Variants in SYN3 observed in about 807,000 individuals in gnomAD.
SYN3 encodes the protein synapsin-3.
Under a neutral mutation model 65.8 loss-of-function variants are expected in SYN3, and 35 were observed. The ratio of observed to expected loss-of-function variants is 0.53; its 90% CI spans 0.41 to 0.70. The LOEUF is 0.70. Ranked by LOEUF, SYN3 falls within the 30% of genes least tolerant of loss-of-function variation. The pLI is 0.00. For synonymous variants in SYN3, 270 were observed against 292.9 expected, an observed-to-expected ratio of 0.92 and a Z score of 0.80; for missense variants, 680 against 749.0, an observed-to-expected ratio of 0.91 and a Z score of 1.08.
chr22:32,784,354 C>A (rs1309779118), intron 6 of SYN3, among the ~76,000 whole-genome samples: 1 of 152,220 alleles, frequency 6.6e-6, no homozygotes, highest in African/African-American at 2.4e-5. Context: ...CTTTTTCCTG[C>A]TGGCTTTGAA....
intron 6 of SYN3, chr22:32,849,314 CA>C: frequency 1.4e-6 from 1 of 726,554 alleles, no homozygotes. Context: ...CTTGTAAACA[CA>C]ATCATCTATT....
intron 12 of SYN3, among the ~76,000 whole-genome samples, chr22:32,520,540 C>T (rs1355334922): frequency 6.6e-6 from 1 of 152,166 alleles, no homozygotes; most frequent in African/African-American, 2.4e-5. Flanking sequence ...CTCTTTGACT[C>T]AAAAACCCTG....
chr22:32,815,181 G>A (rs1228935432), intron 6 of SYN3, among the ~76,000 whole-genome samples: 1 of 152,214 alleles, frequency 6.6e-6, no homozygotes, highest in Non-Finnish European at 1.5e-5. Context: ...CATGAACTGT[G>A]CACAGGGATA....
chr22:32,749,404 G>C (rs935543052), intron 6 of SYN3, among the ~76,000 whole-genome samples: 2 of 150,180 alleles, frequency 1.3e-5, no homozygotes. Flanking sequence ...CACTTTGGGA[G>C]GCCAAGGCGG....
intron 1 of SYN3, among the ~76,000 whole-genome samples, chr22:33,011,015 T>C (rs2053337326): frequency 6.6e-6 from 1 of 152,206 alleles, no homozygotes. Context: ...ATTTAAATAA[T>C]GTCATCTATA....
At chr22:32,781,991 G>T (rs562693793) in intron 6 of SYN3, among the ~76,000 whole-genome samples, 22 of 151,768 alleles carry the variant, frequency 1.4e-4, no homozygotes, top group African/African-American at 5.1e-4. Flanking sequence ...TTCTCAGAAG[G>T]TTGTTTTTTC....
In SYN3 at chr22:32,541,713, T is replaced by C. The variant is rs1425871990; in HGVS notation, c.775A>G (p.Ile259Val). The C allele has an allele frequency of 2.5e-6, 4 of 1,613,564 alleles. No homozygotes were observed. The African/African-American group carries it at 5.3e-5, about 22-fold the overall frequency. Residue 259 changes from isoleucine to valine, a missense_variant and splice_region_variant, in exon 8 of 14, where the codon ATC becomes GTC. Physicochemically the swap from Ile to Val is conservative, Grantham distance 29 (BLOSUM62 3). Coordinates refer to ENST00000358763, the MANE Select transcript of SYN3 (RefSeq NM_003490.4). ...LGHAHAGMGK[I>V]KVENQLDFQD... ...AAGTCAAGCTGGTTTTCCACTTTGATCTGTGTGGGAGGATGAGGGGGATGA... is the reference window on the plus strand; with the variant it reads ...AAGTCAAGCTGGTTTTCCACTTTGACCTGTGTGGGAGGATGAGGGGGATGA...
At chr22:32,539,774 A>G (rs2058223444) in intron 8 of SYN3, among the ~76,000 whole-genome samples, 1 of 135,634 alleles carries the variant, frequency 7.4e-6, no homozygotes, top group South Asian at 2.8e-4. Flanking sequence ...AAAATGCTGC[A>G]ATGAGGTAAT....
At chr22:32,739,720 T>C (rs560192434) in intron 6 of SYN3, among the ~76,000 whole-genome samples, 81 of 152,342 alleles carry the variant, frequency 5.3e-4, no homozygotes, top group African/African-American at 1.6e-3. Flanking sequence ...GGGGCTTTTT[T>C]ACTGTGCTCC....
intron 3 of SYN3, among the ~76,000 whole-genome samples, chr22:32,954,942 C>CTTTTTTTTTTTTTT (rs770971735): frequency 8.4e-6 from 1 of 118,962 alleles, no homozygotes. Context: ...TTTTCCTTTT[C>CTTTTTTTTTTTTTT]TTTTTTTTTT....
chr22:32,559,595 G>A (rs2058554335), intron 7 of SYN3, among the ~76,000 whole-genome samples: 1 of 152,184 alleles, frequency 6.6e-6, no homozygotes, highest in Non-Finnish European at 1.5e-5. Context: ...TTGGGAGGCC[G>A]AGATGGGCGG....
chr22:32,542,630 ATGTG>A (rs3838157), intron 7 of SYN3, among the ~76,000 whole-genome samples: 33,829 of 135,162 alleles, frequency 0.25, 4,258 homozygotes, highest in Non-Finnish European at 0.31. Context: ...GTTTGTGTGT[ATGTG>A]TGTGTGTGTG....
rs1470246058 is a variant in SYN3 at position 32,511,244 on chromosome 22, G to A, written c.*2448C>T. On this transcript the variant is annotated 3_prime_UTR_variant, in exon 14 of 14. Coordinates refer to ENST00000358763, the MANE Select transcript of SYN3 (RefSeq NM_003490.4). ...AGCAGCAGCAGGAGGATGAAGCAAA[G>A]TTCTACCGGATTATAAATGGTCTGA... Among the ~76,000 whole-genome samples, 1 of 152,172 alleles carries A rather than the reference G, an allele frequency of 6.6e-6. No individual in the cohort carries two copies. Among genetic ancestry groups the A allele is most frequent in the African/African-American group, 2.4e-5 (1 of 41,436 alleles).
At chr22:32,767,786 T>C (rs1489025289) in intron 6 of SYN3, among the ~76,000 whole-genome samples, 1 of 152,238 alleles carries the variant, frequency 6.6e-6, no homozygotes, top group African/African-American at 2.4e-5. Flanking sequence ...GTCTTTGTAT[T>C]GATTTTATCA....
intron 4 of SYN3, among the ~76,000 whole-genome samples, chr22:32,880,909 G>C (rs958088291): frequency 2.0e-5 from 3 of 152,236 alleles, no homozygotes; most frequent in African/African-American, 7.2e-5. Context: ...AGGGGCTGCT[G>C]AGATGTGCTT....
chr22:32,695,597 T>C (rs755378763), intron 6 of SYN3, among the ~76,000 whole-genome samples: 2 of 152,222 alleles, frequency 1.3e-5, no homozygotes, highest in Non-Finnish European at 2.9e-5. Flanking sequence ...TCATGGGTCC[T>C]CTGACTGGCC....
intron 1 of SYN3, among the ~76,000 whole-genome samples, chr22:33,051,078 C>A (rs1569424048): frequency 6.6e-6 from 1 of 152,156 alleles, no homozygotes; most frequent in South Asian, 2.1e-4. Flanking sequence ...AAGTCCAACT[C>A]CTTTCTACCT....
intron 1 of SYN3, chr22:33,057,394 T>G (rs1047109860): frequency 6.6e-6 from 1 of 152,256 alleles, no homozygotes; most frequent in African/African-American, 2.4e-5. Flanking sequence ...TTATCTGATG[T>G]GCTAGGTCAG....
chr22:32,943,995 T>A (rs1273884528), intron 3 of SYN3, among the ~76,000 whole-genome samples: 2 of 152,084 alleles, frequency 1.3e-5, no homozygotes, highest in Admixed American at 1.3e-4. Context: ...CACACAATAA[T>A]AATGGAAGAC....
Sources: allele counts gnomAD v4.1 joint callset (sites outside exome capture counted in the v4.1 genomes callset), GRCh38; gene constraint gnomAD v4.1.1; transcripts MANE v1.5; gene names NCBI Gene and HGNC (gene_info 2026-07-23, HGNC 2026-07-21).